SLC38A9: variants seen among roughly 807,000 people sequenced by gnomAD.
SLC38A9 encodes the protein neutral amino acid transporter 9.
SLC38A9 carries 48 observed loss-of-function variants against 62.3 expected under a neutral mutation model. The observed-to-expected ratio is 0.77, with a 90% CI of 0.61 to 0.98. SLC38A9 has a LOEUF of 0.98. SLC38A9 is among the 50% of genes least tolerant of loss of function. SLC38A9 has a pLI of 0.00. For missense variants in SLC38A9, 541 were observed against 679.8 expected (o/e 0.80, Z 2.27); for synonymous variants, 204 against 227.7 (o/e 0.90, Z 0.94).
chr5:55,644,582 C>G (rs372257570), intron 12 of SLC38A9, among the ~76,000 whole-genome samples: 1 of 151,510 alleles, frequency 6.6e-6, no homozygotes, highest in African/African-American at 2.4e-5. Context: ...ACACCATACC[C>G]GACTAATTTT....
At chr5:55,645,560 C>T (rs1489503706) in intron 12 of SLC38A9, among the ~76,000 whole-genome samples, 1 of 152,186 alleles carries the variant, frequency 6.6e-6, no homozygotes, top group Non-Finnish European at 1.5e-5. Flanking sequence ...CATAACAGCA[C>T]AGTTGGGGAG....
chr5:55,676,959 C>T (rs1467159129), intron 3 of SLC38A9, among the ~76,000 whole-genome samples: 1 of 152,052 alleles, frequency 6.6e-6, no homozygotes, highest in Non-Finnish European at 1.5e-5. Flanking sequence ...ATAAAAACTC[C>T]CATCTGCAAT....
At chr5:55,664,383 A>G (rs1580241811) in intron 8 of SLC38A9, among the ~76,000 whole-genome samples, 1 of 152,098 alleles carries the variant, frequency 6.6e-6, no homozygotes, top group Non-Finnish European at 1.5e-5. Flanking sequence ...TGTTTTCCCT[A>G]GAGTCTACAT....
Position 55,667,550 on chromosome 5 carries a change from C to G in SLC38A9, c.526+1678G>C, listed in dbSNP as rs987823104. The stretch of plus-strand genomic sequence containing the variant: ...ACATCCTTGCATTACTGGAATAAAC[C>G]TTATCTTAGGCACAGGATATGTTTT... On this transcript the variant is annotated intron_variant, in intron 7 of 15. Coordinates refer to ENST00000396865, the MANE Select transcript of SLC38A9 (RefSeq NM_173514.4). 8.0e-5 allele frequency among the ~76,000 whole-genome samples: 6 copies of G among 75,382 alleles called. No individual in the cohort carries two copies. The South Asian group carries it at 3.8e-3, about 47-fold the overall frequency. 49.5% of individuals were successfully genotyped at this position (75,382 alleles called of 152,430 possible).
intron 12 of SLC38A9, among the ~76,000 whole-genome samples, chr5:55,637,321 C>T (rs1188997431): frequency 4.6e-5 from 7 of 152,230 alleles, no homozygotes; most frequent in Non-Finnish European, 5.9e-5. Flanking sequence ...CTATGGTGCA[C>T]AGCTTCCAAC....
rs563373580 is a variant in SLC38A9, at chr5:55,667,509, A to G, written c.526+1719T>C. Among the ~76,000 whole-genome samples the G allele has an allele frequency of 6.1e-4, 93 of 152,168 alleles. 5 individuals carry two copies. The South Asian group carries it at 0.019, about 31-fold the overall frequency. On this transcript the variant is annotated intron_variant, in intron 7 of 15. Transcript: ENST00000396865. ...TTGTTAATGTAGTGAATTATGTTGGATTTCTTAATAATGAAACATCCTTGC... is the reference window on the plus strand; with the variant it reads ...TTGTTAATGTAGTGAATTATGTTGGGTTTCTTAATAATGAAACATCCTTGC...
chr5:55,690,207 G>T (rs1046625602), intron 3 of SLC38A9, among the ~76,000 whole-genome samples: 2 of 152,038 alleles, frequency 1.3e-5, no homozygotes, highest in African/African-American at 4.8e-5. Context: ...GCCCAGGCTG[G>T]TCTCAAACTC....
At chr5:55,643,997 G>C (rs1236631672) in intron 12 of SLC38A9, among the ~76,000 whole-genome samples, 5 of 152,158 alleles carry the variant, frequency 3.3e-5, no homozygotes, top group Admixed American at 2.0e-4. Flanking sequence ...GTGTTGCTCT[G>C]TTGCTCAGGC....
At chr5:55,667,753 A>C (rs1474993541) in intron 7 of SLC38A9, among the ~76,000 whole-genome samples, 1 of 152,040 alleles carries the variant, frequency 6.6e-6, no homozygotes, top group Non-Finnish European at 1.5e-5. Flanking sequence ...ATTTTAAGAC[A>C]GTGTTTCACT....
chr5:55,706,190 T>G (rs996769310), intron 2 of SLC38A9, among the ~76,000 whole-genome samples: 9 of 152,176 alleles, frequency 5.9e-5, no homozygotes, highest in Non-Finnish European at 1.0e-4. Flanking sequence ...GCAACAACCC[T>G]TCCAGTGGCA....
intron 8 of SLC38A9, among the ~76,000 whole-genome samples, chr5:55,661,444 CAAAAAAAAAAAAAA>C (rs3072768): frequency 1.5e-5 from 1 of 67,644 alleles, no homozygotes; most frequent in Admixed American, 2.2e-4. Flanking sequence ...GACTCCGTCT[CAAAAAAAAAAAAAA>C]AAAAAAAAAA....
chr5:55,630,091 G>A (rs867034726), intron 14 of SLC38A9, among the ~76,000 whole-genome samples: 3 of 152,148 alleles, frequency 2.0e-5, no homozygotes, highest in Admixed American at 6.5e-5. Flanking sequence ...CACTCGTCAG[G>A]TTTTGGCACA....
At chr5:55,661,166 C>T (rs986593494) in intron 8 of SLC38A9, among the ~76,000 whole-genome samples, 3 of 151,776 alleles carry the variant, frequency 2.0e-5, no homozygotes, top group Admixed American at 6.6e-5. Flanking sequence ...GTATCTAGGC[C>T]GAGCGCAGTG....
At chr5:55,672,468 G>C (rs1382616372) in intron 4 of SLC38A9, 95 bp downstream of exon 4, 1 of 1,402,568 alleles carries the variant, frequency 7.1e-7, no homozygotes, top group Non-Finnish European at 9.8e-7. Flanking sequence ...AATACAGTCA[G>C]AAAGAAGTTC....
intron 12 of SLC38A9, 35 bp downstream of exon 12, chr5:55,645,754 A>G: frequency 1.4e-6 from 2 of 1,404,974 alleles, no homozygotes; most frequent in Non-Finnish European, 2.0e-6. Flanking sequence ...TATCCTCGGG[A>G]GATACAAAAG....
chr5:55,696,705 C>CA (rs1755829431), intron 3 of SLC38A9: 2 of 112,170 alleles, frequency 1.8e-5, no homozygotes, highest in South Asian at 3.2e-4. Flanking sequence ...GGGGGCTGAC[C>CA]CCCCCACCTC....
intron 12 of SLC38A9, among the ~76,000 whole-genome samples, chr5:55,637,807 T>A (rs1013241293): frequency 1.3e-5 from 2 of 151,564 alleles, no homozygotes; most frequent in African/African-American, 4.9e-5. Context: ...ATTTTACAGA[T>A]GTAAACTAAG....
chr5:55,645,990 T>C, intron 11 of SLC38A9, 95 bp from the exon 12 acceptor site: 2 of 726,336 alleles, frequency 2.8e-6, no homozygotes, highest in Non-Finnish European at 4.7e-6. Context: ...GTTGTCACTG[T>C]TTTATCCAGG....
At chr5:55,626,840 A>G (rs1742531991) in intron 15 of SLC38A9, among the ~76,000 whole-genome samples, 181 bp from the exon 16 acceptor site, 1 of 152,236 alleles carries the variant, frequency 6.6e-6, no homozygotes, top group African/African-American at 2.4e-5. Context: ...CTAAGTTAAT[A>G]TAAAATATGA....
Sources: allele counts gnomAD v4.1 joint callset (sites outside exome capture counted in the v4.1 genomes callset), GRCh38; gene constraint gnomAD v4.1.1; transcripts MANE v1.5; gene names NCBI Gene and HGNC (gene_info 2026-07-23, HGNC 2026-07-21).